RAPGEF2: variants seen among roughly 807,000 people sequenced by gnomAD.
RAPGEF2 encodes PDZ domain containing guanine nucleotide exchange factor (GEF) 1.
RAPGEF2 carries 54 observed loss-of-function variants against 186.7 expected under a neutral mutation model. The ratio of observed to expected loss-of-function variants is 0.29; its 90% CI spans 0.23 to 0.36. The LOEUF (loss-of-function observed/expected upper bound fraction) is 0.36. Ranked by LOEUF, RAPGEF2 falls within the 10% of genes least tolerant of loss-of-function variation. RAPGEF2 has a pLI of 1.00. For missense variants in RAPGEF2, 1,532 were observed against 2,045.0 expected (o/e 0.75, Z 4.84); for synonymous variants, 712 against 705.9 (o/e 1.01, Z -0.14).
In RAPGEF2 at chr4:159,353,551, A is replaced by G; in HGVS notation, c.4156A>G (p.Ser1386Gly). ...TACAGCTACAGTAATTTCTTCTCCA[A>G]GCACAGAGGAACTTTCCCAGGATCA... is the stretch of plus-strand genomic sequence containing the variant. ...YATATVISSP[S>G]TEELSQDQGD... Residue 1386 changes from serine to glycine, a missense_variant, in exon 28 of 30, where the codon AGC becomes GGC. Ser to Gly is a moderately conservative substitution (Grantham distance 56). Coordinates refer to ENST00000691494, the MANE Select transcript of RAPGEF2 (RefSeq NM_001394067.2). This position sits in a 1 kb window ranked among gnomAD's most constrained non-coding sequence, Gnocchi z 4.3. 1 of 1,555,340 alleles carries G rather than the reference A, an allele frequency of 6.4e-7. No homozygotes were observed.
chr4:159,214,036 T>G (rs1364545606), intron 4 of RAPGEF2, among the ~76,000 whole-genome samples: 1 of 152,218 alleles, frequency 6.6e-6, no homozygotes, highest in Non-Finnish European at 1.5e-5. Context: ...CAATTTATAG[T>G]TATTGTTTTC....
chr4:159,271,030 C>T (rs1561183536), intron 7 of RAPGEF2, among the ~76,000 whole-genome samples: 1 of 152,106 alleles, frequency 6.6e-6, no homozygotes, highest in African/African-American at 2.4e-5. Flanking sequence ...CAAAAGACTC[C>T]TGTAGACCAT....
intron 24 of RAPGEF2, among the ~76,000 whole-genome samples, chr4:159,346,569 T>A (rs1730339031): frequency 6.6e-6 from 1 of 152,212 alleles, no homozygotes; most frequent in Non-Finnish European, 1.5e-5. Context: ...ATTGCTGACT[T>A]CATAAAGTAG....
chr4:159,257,353 C>T (rs1427764595), intron 7 of RAPGEF2, among the ~76,000 whole-genome samples: 4 of 152,160 alleles, frequency 2.6e-5, no homozygotes, highest in South Asian at 2.1e-4. Context: ...TCACATCTTA[C>T]GTGGATAGCA....
intron 1 of RAPGEF2, among the ~76,000 whole-genome samples, chr4:159,139,188 A>G (rs1331219175): frequency 6.6e-6 from 1 of 152,218 alleles, no homozygotes; most frequent in Non-Finnish European, 1.5e-5. Context: ...TTGGTAAGGC[A>G]TAGTGCAGGG....
In RAPGEF2 at chr4:159,209,562, T is replaced by G. The variant is rs144935463; in HGVS notation, c.198-938T>G. On this transcript the variant is annotated intron_variant, in intron 3 of 29. Coordinates refer to ENST00000691494, the MANE Select transcript of RAPGEF2 (RefSeq NM_001394067.2). ...AATGTAATCTCCGTGAGGGCAGGGA[T>G]CTTTTTGTTGTTGTTCCCTGACATA... Among the ~76,000 whole-genome samples, 1,418 of 152,310 alleles carry G rather than the reference T, an allele frequency of 9.3e-3. 27 individuals carry two copies. Among genetic ancestry groups the G allele is most frequent in the African/African-American group, 0.032 (1,315 of 41,554 alleles).
rs998884397 is a variant in RAPGEF2, at chr4:159,156,125, C to T, written c.70-30517C>T. Among the ~76,000 whole-genome samples, 7 of 152,278 alleles carry T rather than the reference C, an allele frequency of 4.6e-5. No individual in the cohort carries two copies. In the South Asian group the frequency reaches 1.4e-3, roughly 32 times the overall value. The stretch of plus-strand genomic sequence containing the variant: ...CAGTGCTTCAGGTTCTTTTACAAAT[C>T]TGTAATCATCCTCTGGCTGGGGCTA... On this transcript the variant is annotated intron_variant, in intron 1 of 29. Transcript: ENST00000691494.
intron 8 of RAPGEF2, among the ~76,000 whole-genome samples, chr4:159,313,281 A>G (rs1764166628): frequency 6.6e-6 from 1 of 152,268 alleles, no homozygotes. Flanking sequence ...GACAGATTAG[A>G]TTGCGATTAA....
At chr4:159,145,094 T>C (rs1268079954) in intron 1 of RAPGEF2, among the ~76,000 whole-genome samples, 1 of 151,942 alleles carries the variant, frequency 6.6e-6, no homozygotes, top group Non-Finnish European at 1.5e-5. Flanking sequence ...TTGCCCAGGC[T>C]GGTCTCGAAC....
At chr4:159,272,297 A>G (rs888084069) in intron 7 of RAPGEF2, among the ~76,000 whole-genome samples, 5 of 152,302 alleles carry the variant, frequency 3.3e-5, no homozygotes, top group Admixed American at 1.3e-4. Context: ...CTAAATTGCT[A>G]TTGGTCACTT....
chr4:159,128,621 A>G (rs1740642526), intron 1 of RAPGEF2, among the ~76,000 whole-genome samples: 1 of 151,784 alleles, frequency 6.6e-6, no homozygotes, highest in South Asian at 2.1e-4. Flanking sequence ...TTGGTTATGC[A>G]GGTTAATACT....
rs767269279 is a variant in RAPGEF2, at chr4:159,332,488, A to G, written c.1926A>G (p.Lys642=). The change falls in exon 17 of 30, where the codon AAA becomes AAG. Residue 642 remains lysine (K), a synonymous_variant. Transcript: ENST00000691494. ...KELLTRLSEE[K]RNGAPHLPKI... ...TTCTAACAAGATTGTCAGAAGAGAA[A>G]AGAAATGGTGCCCCCCACCTTCCTA... 1.9e-6 allele frequency: 3 copies of G among 1,613,854 alleles called. No individual in the cohort carries two copies. Among genetic ancestry groups the G allele is most frequent in the Non-Finnish European group, 2.5e-6 (3 of 1,179,826 alleles).
At chr4:159,233,828 A>G (rs937084286) in intron 4 of RAPGEF2, among the ~76,000 whole-genome samples, 2 of 152,162 alleles carry the variant, frequency 1.3e-5, no homozygotes, top group South Asian at 2.1e-4. Flanking sequence ...CACACAAAAA[A>G]TCAATTGACC....
At chr4:159,162,338 A>G (rs572277738) in intron 1 of RAPGEF2, among the ~76,000 whole-genome samples, 39 of 151,132 alleles carry the variant, frequency 2.6e-4, no homozygotes, top group African/African-American at 9.0e-4. Context: ...TGGGGGTTAC[A>G]GTGAGCTATG....
At chr4:159,286,946 T>G (rs1445360050) in intron 7 of RAPGEF2, among the ~76,000 whole-genome samples, 1 of 152,204 alleles carries the variant, frequency 6.6e-6, no homozygotes, top group Non-Finnish European at 1.5e-5. Flanking sequence ...ACCTCATCTA[T>G]TCAGTTCATC....
intron 11 of RAPGEF2, chr4:159,327,752 A>G (rs1161711952): frequency 1.3e-5 from 2 of 152,074 alleles, no homozygotes; most frequent in Non-Finnish European, 2.9e-5. Context: ...TAAATTTGTT[A>G]TAGCAAAAAT....
chr4:159,164,586 A>G (rs1745094526), intron 1 of RAPGEF2, among the ~76,000 whole-genome samples: 2 of 152,190 alleles, frequency 1.3e-5, no homozygotes, highest in African/African-American at 2.4e-5. Context: ...TAGAGATAAT[A>G]TAGAATATTC....
intron 1 of RAPGEF2, among the ~76,000 whole-genome samples, chr4:159,144,877 C>CTTTTTTTTTTT (rs1305914652): frequency 1.3e-5 from 1 of 77,632 alleles, no homozygotes; most frequent in Admixed American, 2.1e-4. Context: ...TTCTTTCTTC[C>CTTTTTTTTTTT]TGTTTTTTTT....
chr4:159,177,892 T>A (rs963226885), intron 1 of RAPGEF2, among the ~76,000 whole-genome samples: 2 of 152,240 alleles, frequency 1.3e-5, no homozygotes, highest in African/African-American at 4.8e-5. Context: ...CAAGTTCCTC[T>A]CTCTGATGGA....
Sources: gnomAD v4.1 joint callset for allele counts (sites outside exome capture counted in the v4.1 genomes callset) on GRCh38, gnomAD v4.1.1 for gene constraint, Gnocchi (gnomAD v3.1) non-coding constraint, MANE v1.5 for transcripts, NCBI Gene and HGNC (gene_info 2026-07-23, HGNC 2026-07-21) for gene names.